Variants in CISD1 observed in about 807,000 individuals in gnomAD.
CISD1 encodes the protein CDGSH iron sulfur domain 1, also known as CDGSH iron-sulfur domain-containing protein 1.
In CISD1, 8 loss-of-function variants were observed where a neutral mutation model predicts 12.0. The observed-to-expected ratio is 0.67, with a 90% CI of 0.39 to 1.20. The LOEUF is 1.20. Ranked by LOEUF, CISD1 falls within the 50% of genes most tolerant of loss-of-function variation. CISD1 has a pLI of 0.01. For missense variants in CISD1, 107 were observed against 132.7 expected (o/e 0.81, Z 0.95); for synonymous variants, 38 against 42.2 (o/e 0.90, Z 0.39).
chr10:58,275,615 T>C (rs1166650297), intron 1 of CISD1, among the ~76,000 whole-genome samples: 1 of 152,166 alleles, frequency 6.6e-6, no homozygotes, highest in Non-Finnish European at 1.5e-5. Flanking sequence ...ATGATAATGC[T>C]ACGGGAAGGA....
chr10:58,269,576 T>C (rs1334204214), intron 1 of CISD1, among the ~76,000 whole-genome samples: 1 of 152,184 alleles, frequency 6.6e-6, no homozygotes, highest in African/African-American at 2.4e-5. Context: ...ACCGCGCCGC[T>C]AGCTTTTCTT....
rs140436723 is a variant in CISD1, at chr10:58,275,938, C to T, written c.32-1179C>T. On this transcript the variant is annotated intron_variant, in intron 1 of 2. Coordinates refer to ENST00000333926, the MANE Select transcript of CISD1 (RefSeq NM_018464.5). The stretch of plus-strand genomic sequence containing the variant: ...GACTCAATAGTGCAAGTAAACTATA[C>T]AACTAATTATTAATTATGTGTTTTT... Among the ~76,000 whole-genome samples the T allele has an allele frequency of 3.8e-3, 580 of 152,278 alleles. 3 individuals carry two copies. The highest frequency in any genetic ancestry group is 0.013 in the African/African-American group (535 of 41,558).
chr10:58,271,536 A>T (rs911930381), intron 1 of CISD1, among the ~76,000 whole-genome samples: 4 of 152,198 alleles, frequency 2.6e-5, no homozygotes, highest in African/African-American at 7.2e-5. Flanking sequence ...CTCTTCTCAA[A>T]CTTTAAACCA....
chr10:58,289,381 A>G lies in CISD1; in HGVS notation c.*1731A>G, dbSNP rs1445488284. On this transcript the variant is annotated 3_prime_UTR_variant, in exon 3 of 3. Coordinates refer to ENST00000333926, the MANE Select transcript of CISD1 (RefSeq NM_018464.5). ...GGGGAACCTGGTACCAGTTCTCAAA[A>G]CTATAGGATTATATGAGTGTGTGTA... 1 of 152,112 alleles carries G rather than the reference A, an allele frequency of 6.6e-6. No individual in the cohort carries two copies. The highest frequency in any genetic ancestry group is 2.1e-4 in the South Asian group (1 of 4,832). The allele number at this position is 152,112 out of a possible 1,614,324, so 9.4% of individuals were successfully genotyped here.
At chr10:58,280,176 C>T (rs1474436920) in intron 2 of CISD1, among the ~76,000 whole-genome samples, 1 of 152,182 alleles carries the variant, frequency 6.6e-6, no homozygotes. Context: ...TTGTACTGCC[C>T]TTCCCCAAGG....
intron 2 of CISD1, among the ~76,000 whole-genome samples, chr10:58,278,137 T>C (rs1193666591): frequency 6.6e-6 from 1 of 152,242 alleles, no homozygotes; most frequent in Non-Finnish European, 1.5e-5. Context: ...GATAAAATAC[T>C]GTCTCGAGCA....
intron 1 of CISD1, 66 bp from the exon 2 acceptor site, chr10:58,277,051 A>G (rs541607875): frequency 4.4e-6 from 5 of 1,137,662 alleles, no homozygotes; most frequent in African/African-American, 3.1e-5. Flanking sequence ...ATTTTCTGAC[A>G]TGCATGTGAT....
Position 58,289,180 on chromosome 10 carries a change from A to G in CISD1, c.*1530A>G, listed in dbSNP as rs1588984178. The G allele has an allele frequency of 6.6e-6, 1 of 152,210 alleles. No individual in the cohort carries two copies. Among genetic ancestry groups the G allele is most frequent in the Non-Finnish European group, 1.5e-5 (1 of 67,912 alleles). 9.4% of individuals were successfully genotyped at this position (152,210 alleles called of 1,614,324 possible). A position where few individuals can be genotyped will look rare whatever the true frequency, so the allele number is the denominator to read the frequency against. On this transcript the variant is annotated 3_prime_UTR_variant, in exon 3 of 3. Coordinates refer to ENST00000333926, the MANE Select transcript of CISD1 (RefSeq NM_018464.5). Reference sequence around the variant, plus strand: ...TGCCCACCTCCTTCTTTTTAAGATAAGTATGCATGTCAGCAAAACAGAGCA... The same window carrying G: ...TGCCCACCTCCTTCTTTTTAAGATAGGTATGCATGTCAGCAAAACAGAGCA...
intron 2 of CISD1, among the ~76,000 whole-genome samples, chr10:58,283,447 A>C (rs974991238): frequency 2.6e-5 from 4 of 152,206 alleles, no homozygotes; most frequent in African/African-American, 7.2e-5. Flanking sequence ...CAAAGCAAGC[A>C]TATTTTTCTG....
chr10:58,286,310 C>T (rs981174453), intron 2 of CISD1, among the ~76,000 whole-genome samples: 2 of 151,810 alleles, frequency 1.3e-5, no homozygotes, highest in African/African-American at 2.4e-5. Flanking sequence ...GGCCGATCAA[C>T]GTAACATAGA....
Position 58,276,426 on chromosome 10 carries a change from A to G in CISD1, c.32-691A>G, listed in dbSNP as rs367801674. ...CATGTTTTCTACAAAATATGAAGTT[A>G]GTACATTCTGATTTTTATTTTAATG... On this transcript the variant is annotated intron_variant, in intron 1 of 2. Coordinates refer to ENST00000333926, the MANE Select transcript of CISD1 (RefSeq NM_018464.5). Among the ~76,000 whole-genome samples the G allele has an allele frequency of 3.5e-4, 53 of 152,102 alleles. No individual in the cohort carries two copies. In the East Asian group the frequency reaches 5.2e-3, roughly 15 times the overall value.
rs1387934587 is a variant in CISD1 at position 58,269,236 on chromosome 10, C to T, written c.-38C>T. 3.1e-6 allele frequency: 5 copies of T among 1,603,740 alleles called. No individual in the cohort carries two copies. Among genetic ancestry groups the T allele is most frequent in the Non-Finnish European group, 4.2e-6 (5 of 1,178,366 alleles). ...CCGGCCGCGCGAACCCGTTTGAGCT[C>T]GGTATCCTAGTGCACACGCCTTGCA... On this transcript the variant is annotated 5_prime_UTR_variant, in exon 1 of 3. Transcript: ENST00000333926.
At chr10:58,270,510 G>A (rs998699802) in intron 1 of CISD1, among the ~76,000 whole-genome samples, 8 of 152,066 alleles carry the variant, frequency 5.3e-5, no homozygotes, top group African/African-American at 1.7e-4. Flanking sequence ...GACTTGTGCC[G>A]CTGATATTTT....
chr10:58,287,296 G>A (rs1404100397), intron 2 of CISD1, among the ~76,000 whole-genome samples: 1 of 152,116 alleles, frequency 6.6e-6, no homozygotes, highest in African/African-American at 2.4e-5. Context: ...AGAAAGGAAT[G>A]TAACTAATAT....
chr10:58,271,724 G>C (rs148914722), intron 1 of CISD1, among the ~76,000 whole-genome samples: 32 of 151,716 alleles, frequency 2.1e-4, no homozygotes, highest in African/African-American at 7.5e-4. Flanking sequence ...CAGAACTCTT[G>C]TTCATCATCA....
intron 1 of CISD1, among the ~76,000 whole-genome samples, chr10:58,274,227 A>G (rs1839284463): frequency 6.6e-6 from 1 of 152,190 alleles, no homozygotes; most frequent in African/African-American, 2.4e-5. Flanking sequence ...ATACCCATTT[A>G]TCAGGGATTA....
chr10:58,278,538 C>G (rs564334209), intron 2 of CISD1, among the ~76,000 whole-genome samples: 1 of 151,566 alleles, frequency 6.6e-6, no homozygotes, highest in South Asian at 2.1e-4. Context: ...GACCCTGTCT[C>G]AAAAAATAAA....
In CISD1 at chr10:58,271,265, C is replaced by T. The variant is rs538999121; in HGVS notation, c.31+1961C>T. On this transcript the variant is annotated intron_variant, in intron 1 of 2. Coordinates refer to ENST00000333926, the MANE Select transcript of CISD1 (RefSeq NM_018464.5). Reference sequence around the variant, plus strand: ...CGTTTTAGCCGGGATGGCTCTCGATCTCCTGACCTCGTGATTCGCCCGCCT... The same window carrying T: ...CGTTTTAGCCGGGATGGCTCTCGATTTCCTGACCTCGTGATTCGCCCGCCT... Among the ~76,000 whole-genome samples, 4 of 151,540 alleles carry T rather than the reference C, an allele frequency of 2.6e-5. No homozygotes were observed. The South Asian group carries it at 8.3e-4, about 32-fold the overall frequency.
chr10:58,277,128 G>A lies in CISD1; in HGVS notation c.43G>A (p.Ala15Thr), dbSNP rs770553709. The change falls in exon 2 of 3, where the codon GCA (alanine) becomes ACA (threonine). Residue 15 changes from alanine to threonine, a missense_variant. Ala to Thr is a moderately conservative substitution (Grantham distance 58). Coordinates refer to ENST00000333926, the MANE Select transcript of CISD1 (RefSeq NM_018464.5). ...SSSSVRVEWI[A>T]AVTIAAGTAA... is the part of the protein sequence containing the mutation. ...CTTCCCTGCTCTAGTTGAATGGATCGCAGCAGTTACCATTGCTGCTGGGAC... is the reference window on the plus strand; with the variant it reads ...CTTCCCTGCTCTAGTTGAATGGATCACAGCAGTTACCATTGCTGCTGGGAC... 1.1e-5 allele frequency: 18 copies of A among 1,600,640 alleles called. No individual in the cohort carries two copies. The African/African-American group carries it at 1.8e-4, about 16-fold the overall frequency.
Sources: allele counts gnomAD v4.1 joint callset (sites outside exome capture counted in the v4.1 genomes callset), GRCh38; gene constraint gnomAD v4.1.1; transcripts MANE v1.5; gene names NCBI Gene and HGNC (gene_info 2026-07-23, HGNC 2026-07-21).